The following MYBPC3 variants were observed in gnomAD, a reference collection of about 807,000 sequenced individuals.
The protein encoded by MYBPC3 is myosin-binding protein C, cardiac-type.
A neutral mutation model predicts 159.3 loss-of-function variants in MYBPC3; 108 were observed. That is an observed-to-expected ratio of 0.68 (90% confidence interval 0.58 to 0.80). The LOEUF is 0.80. MYBPC3 is among the 30% of genes least tolerant of loss of function. MYBPC3 has a pLI of 0.00. For synonymous variants in MYBPC3, 730 were observed against 702.0 expected, an observed-to-expected ratio of 1.04 and a Z score of -0.63; for missense variants, 1,631 against 1,762.1, an observed-to-expected ratio of 0.93 and a Z score of 1.33.
chr11:47,348,002 GC>G, intron 6 of MYBPC3, 97 bp from the exon 7 acceptor site: 1 of 1,186,238 alleles, frequency 8.4e-7, no homozygotes, highest in Non-Finnish European at 1.2e-6. Flanking sequence ...TCACAGACTT[GC>G]CCATTCATGA....
rs11570089 is a variant in MYBPC3, at chr11:47,339,921, G to A, written c.1928-131C>T. On this transcript the variant is annotated intron_variant, in intron 20 of 34. Transcript: ENST00000545968. ...AGATTTGTATTGAGGTATAGTTTAT[G>A]CTCAGATCTGACAGTAGGCTGAGTT... 358 of 969,304 alleles carry A rather than the reference G, an allele frequency of 3.7e-4. 6 individuals carry two copies. Among genetic ancestry groups the A allele is most frequent in the Middle Eastern group, 3.0e-3 (9 of 2,974 alleles). The allele number at this position is 969,304 out of a possible 1,614,324, so 60.0% of individuals were successfully genotyped here.
chr11:47,343,052 G>A lies in MYBPC3; in HGVS notation c.1320C>T (p.Gly440=), dbSNP rs368192024. ...DDAAYQCVVG[G]EKCSTELFVK... ...CAAAGAGCTCCGTGCTACACTTCTC[G>A]CCACCCACCACGCACTGGTAGGCTG... is the stretch of plus-strand genomic sequence containing the variant. Residue 440 remains glycine, a synonymous_variant, in exon 15 of 35, where the codon GGC becomes GGT. Transcript: ENST00000545968. 4.3e-5 allele frequency: 69 copies of A among 1,612,890 alleles called. No homozygotes were observed. The highest frequency in any genetic ancestry group is 5.1e-5 in the Non-Finnish European group (60 of 1,179,594).
chr11:47,346,520 G>A lies in MYBPC3; in HGVS notation c.926+107C>T. On this transcript the variant is annotated intron_variant, in intron 11 of 34. Coordinates refer to ENST00000545968, the MANE Select transcript of MYBPC3 (RefSeq NM_000256.3). This position sits in a 1 kb window ranked among gnomAD's most constrained non-coding sequence, Gnocchi z 5.3. ...CAGCTGGAGCTGCTCTGGGTCCCAG[G>A]CCAGGCAGGACTGGGGGCCAAGGGA... 7 of 1,467,808 alleles carry A rather than the reference G, an allele frequency of 4.8e-6. No individual in the cohort carries two copies. Among genetic ancestry groups the A allele is most frequent in the Non-Finnish European group, 6.4e-6 (7 of 1,093,338 alleles). 90.9% of individuals were successfully genotyped at this position (1,467,808 alleles called of 1,614,324 possible).
Position 47,347,684 on chromosome 11 carries a change from TG to T in MYBPC3, c.822-5del. On this transcript the variant is annotated splice_region_variant and splice_polypyrimidine_tract_variant and intron_variant, in intron 7 of 34. Coordinates refer to ENST00000545968, the MANE Select transcript of MYBPC3 (RefSeq NM_000256.3). ...CCGACCACCTCCAGCCAGGCTCCTG[TG>T]GGGGTTAGACTCAGTATCCTCACCT... 6.4e-7 allele frequency: 1 copy of T among 1,571,142 alleles called. No individual in the cohort carries two copies.
Position 47,347,903 on chromosome 11 carries a change from C to T in MYBPC3, c.775G>A (p.Ala259Thr). The change falls in exon 7 of 35, where the codon GCC (alanine) becomes ACC (threonine). Residue 259 changes from alanine (A) to threonine (T), a missense_variant and splice_region_variant. Transcript: ENST00000545968. ...CSNFNLTVHE[A>T]MGTGDLDLLS... ...AGGTCCAGGTCTCCGGTGCCCATGG[C>T]CTCTGGGTTCAAAGGGTGGAGAGAT... The T allele has an allele frequency of 6.4e-7, 1 of 1,572,908 alleles. No individual in the cohort carries two copies. Among genetic ancestry groups the T allele is most frequent in the Non-Finnish European group, 8.6e-7 (1 of 1,159,624 alleles).
rs727503166 is a variant in MYBPC3 at position 47,332,109 on chromosome 11, CT to C, written c.3776del (p.Gln1259ArgfsTer72). 1.9e-6 allele frequency: 3 copies of C among 1,613,460 alleles called. No individual in the cohort carries two copies. Among genetic ancestry groups the C allele is most frequent in the Non-Finnish European group, 2.5e-6 (3 of 1,179,732 alleles). On this transcript the variant is annotated frameshift_variant, in exon 33 of 35. Transcript: ENST00000545968. LOFTEE classifies it high-confidence loss of function. This position sits in a 1 kb window ranked among gnomAD's most constrained non-coding sequence, Gnocchi z 4.2. The part of the protein sequence containing the change: ...GIYVCRATNL[Q>X]GEARCECRLE... ...GGCGGCACTCACACCGTGCCTCGCC[CT>C]GTAAGTTGGTGGCCCTGCAGACATA...
chr11:47,340,727 C>T (rs972089814), intron 20 of MYBPC3, among the ~76,000 whole-genome samples: 7 of 152,148 alleles, frequency 4.6e-5, no homozygotes, highest in South Asian at 2.1e-4. Flanking sequence ...AACAGTCACA[C>T]ATGTGACAGC....
In MYBPC3 at chr11:47,332,735, C is replaced by G; in HGVS notation, c.3491-33G>C. On this transcript the variant is annotated intron_variant, in intron 31 of 34. Coordinates refer to ENST00000545968, the MANE Select transcript of MYBPC3 (RefSeq NM_000256.3). This position sits in a 1 kb window ranked among gnomAD's most constrained non-coding sequence, Gnocchi z 4.2. ...TGACAGGACTTGGTACCGAGAGGGCCACACAAAGCTAGGCCCCTCTCCCTG... is the reference window on the plus strand; with the variant it reads ...TGACAGGACTTGGTACCGAGAGGGCGACACAAAGCTAGGCCCCTCTCCCTG... The G allele has an allele frequency of 3.8e-6, 6 of 1,590,572 alleles. No individual in the cohort carries two copies. The highest frequency in any genetic ancestry group is 5.1e-6 in the Non-Finnish European group (6 of 1,167,824).
At position 47,341,190 on chromosome 11, in the gene MYBPC3, G is replaced by A. The variant is rs1595845560; in HGVS notation, c.1845C>T (p.Ser615=). 6.3e-7 allele frequency: 1 copy of A among 1,590,252 alleles called. No homozygotes were observed. The highest frequency in any genetic ancestry group is 8.6e-7 in the Non-Finnish European group (1 of 1,168,490). Reference sequence around the variant, plus strand: ...TGCAGGCGAAGCCCTCGGGCACAAAGCTGTAGTCAGCCTCGTCGGCAGGTG... The same window carrying A: ...TGCAGGCGAAGCCCTCGGGCACAAAACTGTAGTCAGCCTCGTCGGCAGGTG... The part of the protein sequence containing the change: ...DVTPADEADY[S]FVPEGFACNL... Residue 615 remains serine (S), a synonymous_variant, in exon 19 of 35, where the codon AGC becomes AGT. Coordinates refer to ENST00000545968, the MANE Select transcript of MYBPC3 (RefSeq NM_000256.3).
At chr11:47,344,496 C>T (rs535159966) in intron 12 of MYBPC3, among the ~76,000 whole-genome samples, 4 of 152,254 alleles carry the variant, frequency 2.6e-5, no homozygotes, top group African/African-American at 7.2e-5. Context: ...CTCTTGCGGC[C>T]GTGTTTGTAA....
intron 23 of MYBPC3, 37 bp from the exon 24 acceptor site, chr11:47,337,831 C>T (rs1298270727): frequency 2.6e-6 from 4 of 1,526,558 alleles, no homozygotes; most frequent in African/African-American, 1.4e-5. Context: ...CAGCCCTGCC[C>T]CGCTCAGGGC....
intron 18 of MYBPC3, among the ~76,000 whole-genome samples, 192 bp from the exon 19 acceptor site, chr11:47,341,436 G>A (rs899303532): frequency 4.6e-5 from 7 of 152,220 alleles, no homozygotes; most frequent in Non-Finnish European, 1.0e-4. Context: ...GGTAGGCAGC[G>A]TAAAAGTGAT....
rs1180272933 is a variant in MYBPC3 at position 47,350,515 on chromosome 11, G to T, written c.393C>A (p.Ala131=). 11 of 1,560,330 alleles carry T rather than the reference G, an allele frequency of 7.0e-6. No homozygotes were observed. The highest frequency in any genetic ancestry group is 9.5e-6 in the Non-Finnish European group (11 of 1,156,578). Residue 131 remains alanine (A), a synonymous_variant, in exon 3 of 35, where the codon GCC becomes GCA. Transcript: ENST00000545968. The stretch of plus-strand genomic sequence containing the variant: ...AGCCCCTCTCACCTTTGGGACTTGG[G>T]GCACTTTCTCCCAGCTCAGCGGCTG... The part of the protein sequence containing the change: ...PAPAAELGES[A]PSPKGSSSAA...
At position 47,347,669 on chromosome 11, in the gene MYBPC3, C is replaced by T. The variant is rs147315081; in HGVS notation, c.833G>A (p.Gly278Glu). ...LSAFRRTSLA[G>E]GGRRISDSHE... The stretch of plus-strand genomic sequence containing the variant: ...GGGGTACCTGATCCGCCGACCACCT[C>T]CAGCCAGGCTCCTGTGGGGGTTAGA... Residue 278 changes from glycine (G) to glutamate (E), a missense_variant, in exon 8 of 35, where the codon GGA becomes GAA. Physicochemically the swap from Gly to Glu is moderately conservative, Grantham distance 98. Coordinates refer to ENST00000545968, the MANE Select transcript of MYBPC3 (RefSeq NM_000256.3). The T allele has an allele frequency of 7.6e-4, 1,203 of 1,574,186 alleles. 9 individuals are homozygous for T. The African/African-American group carries it at 0.014, about 19-fold the overall frequency.
At chr11:47,345,600 G>C (rs138528029) in intron 12 of MYBPC3, among the ~76,000 whole-genome samples, 160 of 152,272 alleles carry the variant, frequency 1.1e-3, no homozygotes, top group African/African-American at 3.6e-3. Flanking sequence ...TGAGACCCCT[G>C]CTTTCCCGGC....
chr11:47,345,726 G>A (rs917744232), intron 12 of MYBPC3, among the ~76,000 whole-genome samples: 1 of 152,210 alleles, frequency 6.6e-6, no homozygotes. Context: ...GTTTGCCTGA[G>A]AGAAAGATTA....
chr11:47,340,705 A>G (rs1015204991), intron 20 of MYBPC3, among the ~76,000 whole-genome samples: 1 of 152,146 alleles, frequency 6.6e-6, no homozygotes, highest in African/African-American at 2.4e-5. Context: ...GAAGAAGAAA[A>G]GATGTAATAA....
chr11:47,346,127 G>T lies in MYBPC3; in HGVS notation c.1090+80C>A, dbSNP rs189979897. On this transcript the variant is annotated intron_variant, in intron 12 of 34. Transcript: ENST00000545968. This position sits in a 1 kb window ranked among gnomAD's most constrained non-coding sequence, Gnocchi z 5.3. ...CCTCTCCTCTCCCCTGTGGGGAAGGGCTAACCTATGCCCTCTCCTCTCCTG... is the reference window on the plus strand; with the variant it reads ...CCTCTCCTCTCCCCTGTGGGGAAGGTCTAACCTATGCCCTCTCCTCTCCTG... 3.2e-6 allele frequency: 5 copies of T among 1,573,264 alleles called. No homozygotes were observed. In the Admixed American group the frequency reaches 8.7e-5, roughly 27 times the overall value.
rs373904644 is a variant in MYBPC3, at chr11:47,332,536, C to A, written c.3627+30G>T. 1.0e-5 allele frequency: 16 copies of A among 1,589,288 alleles called. No homozygotes were observed. Among genetic ancestry groups the A allele is most frequent in the South Asian group, 3.4e-5 (3 of 88,890 alleles). ...GGGCCTGTGAGCCCTGCCTCCTGGT[C>A]GGCCTGGACCAGCGCCTAAAGTTCC... is the stretch of plus-strand genomic sequence containing the variant. On this transcript the variant is annotated intron_variant, in intron 32 of 34. Transcript: ENST00000545968. The surrounding 1 kb of genome is among the most constrained non-coding windows in gnomAD (Gnocchi z 4.2).
Sources: gnomAD v4.1 joint callset for allele counts (sites outside exome capture counted in the v4.1 genomes callset) on GRCh38, gnomAD v4.1.1 for gene constraint, Gnocchi (gnomAD v3.1) non-coding constraint, MANE v1.5 for transcripts, NCBI Gene and HGNC (gene_info 2026-07-23, HGNC 2026-07-21) for gene names.